Variants in KIAA1191 observed in about 807,000 individuals in gnomAD.
KIAA1191 encodes the protein KIAA1191, also known as putative monooxygenase p33MONOX.
KIAA1191 carries 22 observed loss-of-function variants against 31.1 expected under a neutral mutation model. The observed-to-expected ratio is 0.71, with a 90% confidence interval of 0.51 to 1.01. The LOEUF (loss-of-function observed/expected upper bound fraction) is 1.01, where lower values mean the gene tolerates loss of function less well. Among genes scored for constraint, KIAA1191 ranks in the 50% least tolerant of loss-of-function variants. KIAA1191 has a pLI of 0.00. For missense variants in KIAA1191, 319 were observed against 388.0 expected, an observed-to-expected ratio of 0.82 and a Z score of 1.49; for synonymous variants, 130 against 143.9, an observed-to-expected ratio of 0.90 and a Z score of 0.69.
At position 176,347,504 on chromosome 5, in the gene KIAA1191, TAA is replaced by T. The variant is rs1386776261; in HGVS notation, c.*94_*95del. 2 of 1,051,160 alleles carry T rather than the reference TAA, an allele frequency of 1.9e-6. No individual in the cohort carries two copies. Among genetic ancestry groups the T allele is most frequent in the African/African-American group, 3.2e-5 (2 of 61,872 alleles). The allele number at this position is 1,051,160 out of a possible 1,614,324, so 65.1% of individuals were successfully genotyped here. ...GCGTGAGCCACCACGCCCAGCTGAT[TAA>T]GTTTTTAAATATACCTTTCCTATGT... On this transcript the variant is annotated 3_prime_UTR_variant, in exon 9 of 9. Transcript: ENST00000298569.
chr5:176,346,391 C>T lies in KIAA1191; in HGVS notation c.*1209G>A, dbSNP rs1766503610. The T allele has an allele frequency of 6.6e-6, 1 of 152,246 alleles. No homozygotes were observed. Among genetic ancestry groups the T allele is most frequent in the African/African-American group, 2.4e-5 (1 of 41,468 alleles). The allele number at this position is 152,246 out of a possible 1,614,324, so 9.4% of individuals were successfully genotyped here. On this transcript the variant is annotated 3_prime_UTR_variant, in exon 9 of 9. Transcript: ENST00000298569. ...TTTTGAATTGAGTGACCTCCCCGCA[C>T]AGGCGTTCCAGGCCCTGACCTGAAC...
intron 4 of KIAA1191, 50 bp from the exon 5 acceptor site, chr5:176,352,798 C>A: frequency 4.5e-6 from 7 of 1,566,170 alleles, no homozygotes; most frequent in South Asian, 1.2e-5. Context: ...GCAGGGGAGT[C>A]ACACACCTAA....
Position 176,347,940 on chromosome 5 carries a change from G to A in KIAA1191, c.690C>T (p.Ser230=), listed in dbSNP as rs750843201. 6.2e-7 allele frequency: 1 copy of A among 1,614,108 alleles called. No individual in the cohort carries two copies. The highest frequency in any genetic ancestry group is 1.7e-5 in the Admixed American group (1 of 60,012). The change falls in exon 8 of 9, where the codon TCC becomes TCT. Residue 230 remains serine, a synonymous_variant. Coordinates refer to ENST00000298569, the MANE Select transcript of KIAA1191 (RefSeq NM_020444.5). The part of the protein sequence containing the change: ...SDKWSLFGPR[S]LQKYDSGSFA... ...CCTTACCAGAATCGTACTTCTGAAG[G>A]GATCTCGGTCCAAAGAGGCTCCACT... is the stretch of plus-strand genomic sequence containing the variant.
chr5:176,348,003 G>A lies in KIAA1191; in HGVS notation c.627C>T (p.Asp209=). The A allele has an allele frequency of 1.9e-6, 3 of 1,614,128 alleles. No individual in the cohort carries two copies. Among genetic ancestry groups the A allele is most frequent in the Non-Finnish European group, 2.5e-6 (3 of 1,180,014 alleles). Residue 209 remains aspartate (D), a synonymous_variant, in exon 8 of 9, where the codon GAC becomes GAT. Transcript: ENST00000298569. ...ALPGPNPSTM[D]SGSGDKDRNL... is the part of the protein sequence containing the mutation. The stretch of plus-strand genomic sequence containing the variant: ...TTCTGTCCTTATCCCCACTTCCAGA[G>A]TCCATGGTGCTAGGATTTGGGCCAG...
At chr5:176,352,336 T>C (rs1767105717) in intron 5 of KIAA1191, among the ~76,000 whole-genome samples, 1 of 152,110 alleles carries the variant, frequency 6.6e-6, no homozygotes, top group Non-Finnish European at 1.5e-5. Context: ...GGGCAGTCTC[T>C]GTAGTTAAGT....
intron 6 of KIAA1191, 41 bp downstream of exon 6, chr5:176,350,572 A>G (rs1766904263): frequency 6.2e-7 from 1 of 1,606,502 alleles, no homozygotes; most frequent in Admixed American, 1.7e-5. Context: ...CAAGCCATGA[A>G]CACTGAAGGT....
intron 3 of KIAA1191, among the ~76,000 whole-genome samples, chr5:176,358,769 G>A (rs1355689920): frequency 6.6e-6 from 1 of 152,144 alleles, no homozygotes; most frequent in African/African-American, 2.4e-5. Context: ...CACTTTGGGA[G>A]GCCGAGGCAG....
chr5:176,360,890 C>G (rs751561652), intron 1 of KIAA1191, among the ~76,000 whole-genome samples: 1 of 151,918 alleles, frequency 6.6e-6, no homozygotes, highest in Non-Finnish European at 1.5e-5. Flanking sequence ...TAAATTTGTC[C>G]ACGGTCACAG....
intron 3 of KIAA1191, 161 bp downstream of exon 3, chr5:176,359,320 A>G (rs1162235010): frequency 3.3e-6 from 2 of 614,482 alleles, no homozygotes; most frequent in Non-Finnish European, 5.5e-6. Context: ...CTCCATCTCA[A>G]AAAAATAAAA....
At position 176,348,052 on chromosome 5, in the gene KIAA1191, G is replaced by T. The variant is rs1212543062; in HGVS notation, c.578C>A (p.Thr193Asn). 6.2e-7 allele frequency: 1 copy of T among 1,613,748 alleles called. No individual in the cohort carries two copies. Among genetic ancestry groups the T allele is most frequent in the Non-Finnish European group, 8.5e-7 (1 of 1,179,894 alleles). The change falls in exon 8 of 9, where the codon ACT (threonine) becomes AAT (asparagine). Residue 193 changes from threonine to asparagine, a missense_variant. Coordinates refer to ENST00000298569, the MANE Select transcript of KIAA1191 (RefSeq NM_020444.5). The part of the protein sequence containing the change: ...SPKQRPRGWF[T>N]SGSSTALPGP... ...AGGTAAGGCTGTGGAAGAACCAGAA[G>T]TGAACCAGCCCCTGGGAAAGAAAGA...
At chr5:176,352,185 A>G (rs994400411) in intron 5 of KIAA1191, among the ~76,000 whole-genome samples, 1 of 151,734 alleles carries the variant, frequency 6.6e-6, no homozygotes, top group African/African-American at 2.4e-5. Context: ...AAAAACAAAA[A>G]CTGGGGTAAG....
At chr5:176,349,452 G>T (rs1459586951) in intron 6 of KIAA1191, among the ~76,000 whole-genome samples, 2 of 152,230 alleles carry the variant, frequency 1.3e-5, no homozygotes, top group Non-Finnish European at 2.9e-5. Context: ...GGCCAAGGCA[G>T]GTGGATCACA....
intron 5 of KIAA1191, among the ~76,000 whole-genome samples, chr5:176,352,164 A>C (rs1301775232): frequency 3.3e-5 from 5 of 149,880 alleles, no homozygotes; most frequent in African/African-American, 4.9e-5. Context: ...TAAAAAAAAA[A>C]AAACAAAAAA....
intron 4 of KIAA1191, among the ~76,000 whole-genome samples, chr5:176,354,912 G>A (rs1767369331): frequency 6.8e-6 from 1 of 147,450 alleles, no homozygotes; most frequent in South Asian, 2.2e-4. Flanking sequence ...AACTGTCACA[G>A]AAGAGACTTT....
At chr5:176,348,106 T>G (rs1449742062) in intron 7 of KIAA1191, 43 bp from the exon 8 acceptor site, 2 of 1,609,678 alleles carry the variant, frequency 1.2e-6, no homozygotes, top group Non-Finnish European at 1.7e-6. Context: ...TACCTCTTCC[T>G]TCGCCCCTAG....
At position 176,348,237 on chromosome 5, in the gene KIAA1191, A is replaced by G; in HGVS notation, c.566+13T>C. On this transcript the variant is annotated intron_variant, in intron 7 of 8. Transcript: ENST00000298569. ...GCACGCAGGAACTCGGAAGGGTCAC[A>G]GGAAGGGCTCACCTGGGCCTCTGCT... 1.2e-6 allele frequency: 2 copies of G among 1,612,796 alleles called. No individual in the cohort carries two copies. Among genetic ancestry groups the G allele is most frequent in the Non-Finnish European group, 1.7e-6 (2 of 1,179,110 alleles).
In KIAA1191 at chr5:176,355,580, G is replaced by C; in HGVS notation, c.198C>G (p.His66Gln). The change falls in exon 4 of 9, where the codon CAC (histidine) becomes CAG (glutamine). Residue 66 changes from histidine (H) to glutamine (Q), a missense_variant. His to Gln is a conservative substitution (Grantham distance 24, BLOSUM62 0). Coordinates refer to ENST00000298569, the MANE Select transcript of KIAA1191 (RefSeq NM_020444.5). The surrounding 1 kb of genome is among the most constrained non-coding windows in gnomAD (Gnocchi z 4.2). ...CAGCAGGGTCAGATACCTTGGCGAGGTGCTGATACTTGCGCTCTGGAATCA... is the reference window on the plus strand; with the variant it reads ...CAGCAGGGTCAGATACCTTGGCGAGCTGCTGATACTTGCGCTCTGGAATCA... ...KPVIPERKYQ[H>Q]LAKVEEGEAS... The C allele has an allele frequency of 6.2e-7, 1 of 1,608,824 alleles. No individual in the cohort carries two copies. Among genetic ancestry groups the C allele is most frequent in the Non-Finnish European group, 8.5e-7 (1 of 1,177,184 alleles).
Position 176,355,921 on chromosome 5 carries a change from C to A in KIAA1191, c.29-172G>T. The A allele has an allele frequency of 1.5e-6, 1 of 660,298 alleles. No individual in the cohort carries two copies. The highest frequency in any genetic ancestry group is 1.7e-5 in the South Asian group (1 of 59,298). 40.9% of individuals were successfully genotyped at this position (660,298 alleles called of 1,614,324 possible). On this transcript the variant is annotated intron_variant, in intron 3 of 8. Coordinates refer to ENST00000298569, the MANE Select transcript of KIAA1191 (RefSeq NM_020444.5). The surrounding 1 kb of genome is among the most constrained non-coding windows in gnomAD (Gnocchi z 4.2). ...GAAAGGCAGTGGTACCAATCCCTTC[C>A]TCTATGCCTGACACCTTGGGTGGTC...
At chr5:176,354,345 C>T (rs1419139191) in intron 4 of KIAA1191, 1 of 152,228 alleles carries the variant, frequency 6.6e-6, no homozygotes, top group Non-Finnish European at 1.5e-5. Flanking sequence ...GCCTGTCAGG[C>T]CCTGAGCTAC....
Sources: allele counts gnomAD v4.1 joint callset (sites outside exome capture counted in the v4.1 genomes callset), GRCh38; gene constraint gnomAD v4.1.1; non-coding constraint Gnocchi (gnomAD v3.1); transcripts MANE v1.5; gene names NCBI Gene and HGNC (gene_info 2026-07-23, HGNC 2026-07-21).